The following CLIC6 variants were observed in gnomAD, a reference collection of about 807,000 sequenced individuals.
CLIC6 encodes the protein CLIC family member 6.
In CLIC6, 39 loss-of-function variants were observed where a neutral mutation model predicts 49.2. The ratio of observed to expected loss-of-function variants is 0.79; its 90% CI spans 0.61 to 1.04. The LOEUF is 1.04. CLIC6 is among the 50% of genes least tolerant of loss of function. The probability of loss-of-function intolerance (pLI) is 0.00; values close to 1 mark genes in which losing one functional copy is unlikely to be tolerated. For missense variants in CLIC6, 988 were observed against 993.1 expected (o/e 0.99, Z 0.07); for synonymous variants, 446 against 433.4 (o/e 1.03, Z -0.36).
rs1352970919 is a variant in CLIC6 at position 34,717,536 on chromosome 21, T to C, written c.*1054T>C. On this transcript the variant is annotated 3_prime_UTR_variant, in exon 6 of 6. Transcript: ENST00000349499. ...CCAGTTAGGGAGGGAGTAGAAACTA[T>C]TGACTCAAAAGAGTTTCTGGCTGAT... 6.6e-6 allele frequency: 1 copy of C among 152,176 alleles called. No homozygotes were observed. The highest frequency in any genetic ancestry group is 1.5e-5 in the Non-Finnish European group (1 of 68,050). 9.4% of individuals were successfully genotyped at this position (152,176 alleles called of 1,614,324 possible).
At chr21:34,701,717 C>T (rs1990194168) in intron 1 of CLIC6, among the ~76,000 whole-genome samples, 1 of 152,206 alleles carries the variant, frequency 6.6e-6, no homozygotes, top group Non-Finnish European at 1.5e-5. Context: ...TTGGAGAAAC[C>T]TGATGTTGCC....
intron 1 of CLIC6, among the ~76,000 whole-genome samples, chr21:34,683,601 G>GA (rs1172345583): frequency 6.6e-6 from 1 of 152,196 alleles, no homozygotes; most frequent in Non-Finnish European, 1.5e-5. Context: ...TTGAGGGAGG[G>GA]ATGTGGTGGG....
At chr21:34,699,088 A>C (rs920035885) in intron 1 of CLIC6, among the ~76,000 whole-genome samples, 2 of 152,332 alleles carry the variant, frequency 1.3e-5, no homozygotes, top group Admixed American at 6.5e-5. Context: ...CAGGTTATTT[A>C]GCATCTCTGA....
intron 1 of CLIC6, among the ~76,000 whole-genome samples, chr21:34,689,666 G>A (rs1295006172): frequency 1.3e-5 from 2 of 151,576 alleles, no homozygotes; most frequent in East Asian, 3.9e-4. Flanking sequence ...GCTTGACACA[G>A]CTCCAGGGGC....
rs13049745 is a variant in CLIC6, at chr21:34,670,179, T to C, written c.791T>C (p.Val264Ala). 1 of 524,786 alleles carries C rather than the reference T, an allele frequency of 1.9e-6. No individual in the cohort carries two copies. The highest frequency in any genetic ancestry group is 2.3e-6 in the Non-Finnish European group (1 of 440,050). The allele number at this position is 524,786 out of a possible 1,614,324, so 32.5% of individuals were successfully genotyped here. Residue 264 changes from valine to alanine, a missense_variant, in exon 1 of 6, where the codon GTC (valine) becomes GCC (alanine). By Grantham distance (64) the Val-to-Ala change is moderately conservative (BLOSUM62 0). Transcript: ENST00000349499. ...GCGGGGGACGGCGTAGAAGCGGGGG[T>C]CCCGGCGGGGGACAGCGTAGAAGCC... ...DPAGDGVEAGVPAGDSVEAEG... is the reference protein window; with the variant it reads ...DPAGDGVEAGAPAGDSVEAEG...
intron 5 of CLIC6, 33 bp downstream of exon 5, chr21:34,709,571 A>C (rs1209978083): frequency 6.3e-7 from 1 of 1,587,388 alleles, no homozygotes; most frequent in Non-Finnish European, 8.6e-7. Flanking sequence ...TGTGCCGAGT[A>C]CACGAACGGG....
intron 1 of CLIC6, among the ~76,000 whole-genome samples, chr21:34,696,183 C>T (rs1205813711): frequency 6.6e-6 from 1 of 152,160 alleles, no homozygotes; most frequent in African/African-American, 2.4e-5. Flanking sequence ...TAGAGACCCC[C>T]CCCATCCCTG....
At position 34,709,268 on chromosome 21, in the gene CLIC6, G is replaced by A. The variant is rs555164083; in HGVS notation, c.1718-89G>A. The stretch of plus-strand genomic sequence containing the variant: ...CATTGCTTGCTGGCCACATCTCAGC[G>A]AGGAAGGGAAGCAAACTCCATCACA... On this transcript the variant is annotated intron_variant, in intron 4 of 5. Coordinates refer to ENST00000349499, the MANE Select transcript of CLIC6 (RefSeq NM_053277.3). 6.7e-6 allele frequency: 8 copies of A among 1,191,776 alleles called. 1 individual carries two copies. The South Asian group carries it at 6.8e-5, about 10-fold the overall frequency. The allele number at this position is 1,191,776 out of a possible 1,614,324, so 73.8% of individuals were successfully genotyped here.
chr21:34,706,372 C>T (rs545053186), intron 1 of CLIC6, among the ~76,000 whole-genome samples: 215 of 152,278 alleles, frequency 1.4e-3, no homozygotes, highest in African/African-American at 4.8e-3. Context: ...ATCCACCCCC[C>T]GACCCAATCA....
Position 34,670,346 on chromosome 21 carries a change from G to T in CLIC6, c.958G>T (p.Gly320Trp). The T allele has an allele frequency of 6.9e-7, 1 of 1,452,186 alleles. No homozygotes were observed. Among genetic ancestry groups the T allele is most frequent in the South Asian group, 1.4e-5 (1 of 69,236 alleles). 90.0% of individuals were successfully genotyped at this position (1,452,186 alleles called of 1,614,324 possible). The change falls in exon 1 of 6, where the codon GGG becomes TGG. Residue 320 changes from glycine (G) to tryptophan (W), a missense_variant. Around this residue, in one of 3 missense-constraint regions of CLIC6, gnomAD observed 647 missense variants for 596.9 expected, o/e 1.08. Transcript: ENST00000349499. ...TGAGGTCGCAGCCGGGGAGAGTGCG[G>T]GGCGCAGCCCCGGTGAGCTCGCCTG... Reference protein sequence around the residue: ...AIEVAAGESAGRSPGELAWDA... With the variant: ...AIEVAAGESAWRSPGELAWDA...
At chr21:34,696,748 C>T (rs554600451) in intron 1 of CLIC6, among the ~76,000 whole-genome samples, 41 of 152,188 alleles carry the variant, frequency 2.7e-4, no homozygotes, top group Non-Finnish European at 5.4e-4. Context: ...TATTTTGCAA[C>T]ATAACCATTT....
At chr21:34,703,052 A>G (rs1046337350) in intron 1 of CLIC6, among the ~76,000 whole-genome samples, 2 of 147,650 alleles carry the variant, frequency 1.4e-5, no homozygotes, top group Non-Finnish European at 3.0e-5. Context: ...GCGATGGCAA[A>G]TCAGCTGCTT....
intron 1 of CLIC6, chr21:34,705,961 C>T: frequency 4.8e-6 from 3 of 618,732 alleles, no homozygotes; most frequent in Non-Finnish European, 8.7e-6. Flanking sequence ...TGCAGCAGGA[C>T]CCACTGAATC....
chr21:34,708,751 C>A lies in CLIC6; in HGVS notation c.1662C>A (p.Asp554Glu). The change falls in exon 4 of 6, where the codon GAC (aspartate) becomes GAA (glutamate). Residue 554 changes from aspartate (D) to glutamate (E), a missense_variant. Around this residue, in one of 3 missense-constraint regions of CLIC6, gnomAD observed 647 missense variants for 596.9 expected, o/e 1.08. Coordinates refer to ENST00000349499, the MANE Select transcript of CLIC6 (RefSeq NM_053277.3). ...CCGAATCTAATTCCGCAGGAAATGACGTGTTTGCCAAATTCTCAGCGTTTA... is the reference window on the plus strand; with the variant it reads ...CCGAATCTAATTCCGCAGGAAATGAAGTGTTTGCCAAATTCTCAGCGTTTA... ...QHPESNSAGN[D>E]VFAKFSAFIK... The A allele has an allele frequency of 6.2e-7, 1 of 1,614,144 alleles. No homozygotes were observed. The highest frequency in any genetic ancestry group is 8.5e-7 in the Non-Finnish European group (1 of 1,180,008).
At chr21:34,678,328 GC>G (rs2145798978) in intron 1 of CLIC6, among the ~76,000 whole-genome samples, 1 of 151,376 alleles carries the variant, frequency 6.6e-6, no homozygotes, top group African/African-American at 2.4e-5. Flanking sequence ...TGTAGTCCCA[GC>G]TACTCAGGAG....
rs866701854 is a variant in CLIC6 at position 34,675,270 on chromosome 21, A to G, written c.1374+4508A>G. On this transcript the variant is annotated intron_variant, in intron 1 of 5. Transcript: ENST00000349499. ...GCCCCTCCAAAAAAAAAAAAAAAAAAGAGCCTTCCAAGCATTGCCATACCA... is the reference window on the plus strand; with the variant it reads ...GCCCCTCCAAAAAAAAAAAAAAAAAGGAGCCTTCCAAGCATTGCCATACCA... 1.8e-3 allele frequency among the ~76,000 whole-genome samples: 270 copies of G among 150,444 alleles called. 9 individuals carry two copies. Among genetic ancestry groups the G allele is most frequent in the Middle Eastern group, 7.0e-3 (2 of 286 alleles).
At chr21:34,690,178 C>T (rs1338631130) in intron 1 of CLIC6, among the ~76,000 whole-genome samples, 1 of 152,174 alleles carries the variant, frequency 6.6e-6, no homozygotes, top group African/African-American at 2.4e-5. Context: ...TTCTCTGGTC[C>T]GGCTCACAGC....
chr21:34,713,296 G>T (rs2056068316), intron 5 of CLIC6, among the ~76,000 whole-genome samples: 1 of 152,096 alleles, frequency 6.6e-6, no homozygotes, highest in South Asian at 2.1e-4. Flanking sequence ...AAGAGAATAT[G>T]GGCTTTTTGA....
intron 1 of CLIC6, 26 bp downstream of exon 1, chr21:34,670,788 AG>A: frequency 6.3e-7 from 1 of 1,584,242 alleles, no homozygotes; most frequent in Non-Finnish European, 8.5e-7. Flanking sequence ...CTCAATTCTT[AG>A]GACGACCCCC....
Sources: gnomAD v4.1 joint callset for allele counts (sites outside exome capture counted in the v4.1 genomes callset) on GRCh38, gnomAD v4.1.1 for gene constraint, gnomAD v4.1.1 regional missense constraint, MANE v1.5 for transcripts, NCBI Gene and HGNC (gene_info 2026-07-23, HGNC 2026-07-21) for gene names.